POM121: variants seen among roughly 807,000 people sequenced by gnomAD.
The protein encoded by POM121 is POM121 transmembrane nucleoporin.
POM121 carries 32 observed loss-of-function variants against 81.3 expected under a neutral mutation model. The ratio of observed to expected loss-of-function variants is 0.39; its 90% CI spans 0.30 to 0.53. The LOEUF (loss-of-function observed/expected upper bound fraction) is 0.53. Among genes scored for constraint, POM121 ranks in the 20% least tolerant of loss-of-function variants. The pLI, the probability that POM121 is intolerant of heterozygous loss-of-function variation, is 0.66. For missense variants in POM121, 1,138 were observed against 1,614.6 expected, an observed-to-expected ratio of 0.70 and a Z score of 5.06; for synonymous variants, 514 against 694.2, an observed-to-expected ratio of 0.74 and a Z score of 4.08.
At chr7:72,930,274 G>C (rs1245180809) in intron 5 of POM121, among the ~76,000 whole-genome samples, 163 bp downstream of exon 5, 1 of 152,210 alleles carries the variant, frequency 6.6e-6, no homozygotes, top group African/African-American at 2.4e-5. Flanking sequence ...GGGCAATATA[G>C]TGAAACCTTG....
chr7:72,906,100 C>G (rs1793208462), intron 3 of POM121, among the ~76,000 whole-genome samples: 1 of 152,152 alleles, frequency 6.6e-6, no homozygotes, highest in South Asian at 2.1e-4. Context: ...TTTGTGTGGT[C>G]ACTGAAATTT....
intron 1 of POM121, among the ~76,000 whole-genome samples, chr7:72,880,573 T>C (rs1790038526): frequency 6.6e-6 from 1 of 152,120 alleles, no homozygotes; most frequent in African/African-American, 2.4e-5. Context: ...CTTATTTTAT[T>C]TTAAGCAGTT....
chr7:72,908,105 A>T (rs1413555986), intron 3 of POM121, among the ~76,000 whole-genome samples: 3 of 152,098 alleles, frequency 2.0e-5, no homozygotes, highest in African/African-American at 7.2e-5. Flanking sequence ...AGTTATTGTA[A>T]TTTCTAGTTC....
At chr7:72,899,657 C>T (rs1331228900) in intron 3 of POM121, among the ~76,000 whole-genome samples, 46 of 150,782 alleles carry the variant, frequency 3.1e-4, no homozygotes, top group African/African-American at 1.1e-3. Context: ...CGGCTCACTG[C>T]AAGCTCCGCC....
chr7:72,923,910 T>G (rs1586142413), upstream of POM121, among the ~76,000 whole-genome samples: 1 of 149,612 alleles, frequency 6.7e-6, no homozygotes, highest in East Asian at 2.0e-4. Flanking sequence ...TTCTTATTTT[T>G]TTTTCCTGTT....
chr7:72,910,086 C>T (rs1793656787), intron 3 of POM121, among the ~76,000 whole-genome samples: 1 of 152,180 alleles, frequency 6.6e-6, no homozygotes, highest in South Asian at 2.1e-4. Context: ...TAACCCATTT[C>T]CCATTTAGGA....
intron 3 of POM121, among the ~76,000 whole-genome samples, chr7:72,894,642 AGAGAGAGAG>A (rs1409940474): frequency 1.9e-5 from 2 of 105,952 alleles, no homozygotes; most frequent in Non-Finnish European, 3.6e-5. Context: ...AGAGAGAGAG[AGAGAGAGAG>A]AGAGAGAGAG....
At chr7:72,884,516 TATA>T (rs1354707941) in intron 1 of POM121, among the ~76,000 whole-genome samples, 1 of 91,124 alleles carries the variant, frequency 1.1e-5, no homozygotes, top group African/African-American at 6.9e-5. Flanking sequence ...AATATATACA[TATA>T]ATATATATTT....
At position 72,928,384 on chromosome 7, in the gene POM121, G is replaced by A; in HGVS notation, c.1023-1G>A. 8.1e-6 allele frequency: 13 copies of A among 1,614,204 alleles called. No individual in the cohort carries two copies. Among genetic ancestry groups the A allele is most frequent in the Non-Finnish European group, 1.1e-5 (13 of 1,180,040 alleles). ...ATTGAGACTTTTTTGATTTGTCGCA[G>A]GCGCCATGATAGCAGTGGCAGTGGA... is the stretch of plus-strand genomic sequence containing the variant. On this transcript the variant is annotated splice_acceptor_variant, in intron 3 of 12. Coordinates refer to ENST00000434423, the MANE Select transcript of POM121 (RefSeq NM_001387691.1). LOFTEE classifies it high-confidence loss of function.
chr7:72,903,503 C>A (rs555451357), intron 3 of POM121, among the ~76,000 whole-genome samples: 2 of 152,216 alleles, frequency 1.3e-5, no homozygotes, highest in Non-Finnish European at 2.9e-5. Flanking sequence ...ATCCTCCCCA[C>A]CATCCCTGGG....
chr7:72,938,247 G>T (rs770373978), intron 5 of POM121, among the ~76,000 whole-genome samples: 21 of 144,314 alleles, frequency 1.5e-4, no homozygotes, highest in Non-Finnish European at 2.7e-4. Context: ...TTTTTTTTGA[G>T]ACAGGGTCTC....
At chr7:72,880,047 A>T (rs1380007351) in intron 1 of POM121, among the ~76,000 whole-genome samples, 3 of 152,212 alleles carry the variant, frequency 2.0e-5, no homozygotes, top group Non-Finnish European at 4.4e-5. Context: ...CAGGCGCTGC[A>T]TGGGAAGATC....
chr7:72,935,042 C>CAA (rs1192083787), intron 5 of POM121, among the ~76,000 whole-genome samples: 1 of 133,026 alleles, frequency 7.5e-6, no homozygotes, highest in Non-Finnish European at 1.6e-5. Flanking sequence ...TCAATTTCCA[C>CAA]AAAAAAAAAA....
rs1795329181 is a variant in POM121 at position 72,925,592 on chromosome 7, C to T, written c.471C>T (p.Asp157=). The T allele has an allele frequency of 1.0e-5, 16 of 1,528,628 alleles. No homozygotes were observed. Among genetic ancestry groups the T allele is most frequent in the Non-Finnish European group, 1.4e-5 (16 of 1,144,466 alleles). 94.7% of individuals were successfully genotyped at this position (1,528,628 alleles called of 1,614,324 possible). ...PQPAAAPEGQ[D]LRDRPGRRPP... ...CCGCCGCCGCTCCGGAGGGCCAGGACCTGCGGGATAGGCCTGGCCGCCGCC... is the reference window on the plus strand; with the variant it reads ...CCGCCGCCGCTCCGGAGGGCCAGGATCTGCGGGATAGGCCTGGCCGCCGCC... The change falls in exon 1 of 13, where the codon GAC becomes GAT. Residue 157 remains aspartate (D), a synonymous_variant. Coordinates refer to ENST00000434423, the MANE Select transcript of POM121 (RefSeq NM_001387691.1).
intron 5 of POM121, among the ~76,000 whole-genome samples, chr7:72,931,337 T>TGTTTCTTCAGAAAGCTTTG (rs1795999472): frequency 6.6e-6 from 1 of 152,018 alleles, no homozygotes; most frequent in Non-Finnish European, 1.5e-5. Flanking sequence ...CGAAGTTGGG[T>TGTTTCTTCAGAAAGCTTTG]GTTTCTTCAG....
At chr7:72,944,039 C>G (rs1797411725) in intron 11 of POM121, among the ~76,000 whole-genome samples, 1 of 152,008 alleles carries the variant, frequency 6.6e-6, no homozygotes, top group South Asian at 2.1e-4. Flanking sequence ...GACTCTGTCT[C>G]AAAAAACAAA....
At chr7:72,923,649 G>T (rs368017111), upstream of POM121, among the ~76,000 whole-genome samples, 1 of 136,256 alleles carries the variant, frequency 7.3e-6, no homozygotes, top group East Asian at 2.1e-4. Flanking sequence ...GCCCAGGCTG[G>T]AGTGCAGTGG....
intron 8 of POM121, 146 bp downstream of exon 8, chr7:72,940,114 G>C (rs1796924086): frequency 4.7e-6 from 5 of 1,058,620 alleles, no homozygotes; most frequent in Non-Finnish European, 4.0e-6. Flanking sequence ...ACCCAGGCTG[G>C]AGTGCAGTGG....
At chr7:72,887,863 A>G (rs1213591699) in intron 1 of POM121, among the ~76,000 whole-genome samples, 1 of 151,986 alleles carries the variant, frequency 6.6e-6, no homozygotes, top group African/African-American at 2.4e-5. Context: ...CAAAAAAACA[A>G]ATCATTGCTT....
Sources: allele counts gnomAD v4.1 joint callset (sites outside exome capture counted in the v4.1 genomes callset), GRCh38; gene constraint gnomAD v4.1.1; transcripts MANE v1.5; gene names NCBI Gene and HGNC (gene_info 2026-07-23, HGNC 2026-07-21).